Variants in BICDL1 observed in about 807,000 individuals in gnomAD.
The protein encoded by BICDL1 is BICD family like cargo adaptor 1, also known as BICD family-like cargo adapter 1.
In BICDL1, 20 loss-of-function variants were observed where a neutral mutation model predicts 76.8. The ratio of observed to expected loss-of-function variants is 0.26; its 90% CI spans 0.18 to 0.38. BICDL1 has a LOEUF of 0.38. Ranked by LOEUF, BICDL1 falls within the 10% of genes least tolerant of loss-of-function variation. The pLI, the probability that BICDL1 is intolerant of heterozygous loss-of-function variation, is 1.00. For missense variants in BICDL1, 700 were observed against 798.6 expected (o/e 0.88, Z 1.49); for synonymous variants, 383 against 337.1 (o/e 1.14, Z -1.49).
chr12:120,092,885 C>G, intron 9 of BICDL1, 115 bp from the exon 10 acceptor site: 3 of 1,460,866 alleles, frequency 2.1e-6, no homozygotes, highest in Non-Finnish European at 1.8e-6. Context: ...GCTGCAGCCT[C>G]TCACTCATCA....
In BICDL1 at chr12:120,064,101, T is replaced by TC. The variant is rs532875813; in HGVS notation, c.763-632_763-631insC. Among the ~76,000 whole-genome samples the TC allele has an allele frequency of 3.3e-4, 50 of 152,284 alleles. 1 individual carries two copies. The South Asian group carries it at 0.01, about 31-fold the overall frequency. On this transcript the variant is annotated intron_variant, in intron 3 of 9. Coordinates refer to ENST00000548673, the MANE Select transcript of BICDL1 (RefSeq NM_001367886.1). Reference sequence around the variant, plus strand: ...TCGCTCAGGTAAAAGTTACTCTGAGTAAAGTCAGCATTCACTTGTATCTGT... The same window carrying TC: ...TCGCTCAGGTAAAAGTTACTCTGAGTCAAAGTCAGCATTCACTTGTATCTGT...
chr12:120,083,256 T>C (rs904227922), intron 8 of BICDL1, among the ~76,000 whole-genome samples: 1 of 152,080 alleles, frequency 6.6e-6, no homozygotes, highest in African/African-American at 2.4e-5. Flanking sequence ...TGAATTACTT[T>C]TTATGTATTT....
chr12:119,997,163 G>T (rs1252869791), intron 1 of BICDL1, among the ~76,000 whole-genome samples: 1 of 152,062 alleles, frequency 6.6e-6, no homozygotes, highest in East Asian at 1.9e-4. Flanking sequence ...AACCAGGATG[G>T]TCTCGATCTC....
intron 1 of BICDL1, among the ~76,000 whole-genome samples, chr12:119,991,748 T>C (rs2138573948): frequency 6.6e-6 from 1 of 152,342 alleles, no homozygotes; most frequent in African/African-American, 2.4e-5. Context: ...AGGAGCACCG[T>C]ATCAGTTTGA....
At chr12:120,012,173 TAGAG>T (rs907576697) in intron 2 of BICDL1, among the ~76,000 whole-genome samples, 16 of 152,246 alleles carry the variant, frequency 1.1e-4, no homozygotes, top group African/African-American at 2.4e-4. Context: ...TAATGAGAAA[TAGAG>T]AGAGGTTGAG....
Position 120,071,024 on chromosome 12 carries a change from C to T in BICDL1, c.910-598C>T, listed in dbSNP as rs778905935. ...GTGTTACAGGCGTGAGCCACCACGC[C>T]CGGCCTGGTTGGTATAACTCAAGTC... is the stretch of plus-strand genomic sequence containing the variant. On this transcript the variant is annotated intron_variant, in intron 4 of 9. Transcript: ENST00000548673. This position sits in a 1 kb window ranked among gnomAD's most constrained non-coding sequence, Gnocchi z 4.8. 2.0e-5 allele frequency among the ~76,000 whole-genome samples: 3 copies of T among 152,146 alleles called. No individual in the cohort carries two copies. The highest frequency in any genetic ancestry group is 7.2e-5 in the African/African-American group (3 of 41,430).
intron 2 of BICDL1, among the ~76,000 whole-genome samples, chr12:120,058,125 G>T (rs537762002): frequency 1.3e-5 from 2 of 152,062 alleles, no homozygotes; most frequent in African/African-American, 4.8e-5. Context: ...GAGCCACCGC[G>T]CCTGGCCGAT....
chr12:120,001,235 A>G (rs1951752743), intron 2 of BICDL1, among the ~76,000 whole-genome samples: 1 of 152,006 alleles, frequency 6.6e-6, no homozygotes, highest in Non-Finnish European at 1.5e-5. Context: ...ATAGAAGGCC[A>G]TACTTTTCTT....
chr12:120,036,729 A>G (rs959024077), intron 2 of BICDL1, among the ~76,000 whole-genome samples: 7 of 152,160 alleles, frequency 4.6e-5, no homozygotes, highest in African/African-American at 1.7e-4. Flanking sequence ...TACAAAAATT[A>G]GCCGGGCGTG....
chr12:120,045,710 A>G (rs1288025537), intron 2 of BICDL1, among the ~76,000 whole-genome samples: 1 of 145,510 alleles, frequency 6.9e-6, no homozygotes, highest in Non-Finnish European at 1.5e-5. Flanking sequence ...ATAGGTGGGA[A>G]TTGAACAATG....
intron 4 of BICDL1, among the ~76,000 whole-genome samples, chr12:120,065,898 G>A (rs1040208095): frequency 3.9e-5 from 6 of 152,178 alleles, no homozygotes; most frequent in African/African-American, 1.4e-4. Context: ...TAACCGCTTT[G>A]AGGGAAAATG....
chr12:120,038,570 G>C (rs1016820836), intron 2 of BICDL1, among the ~76,000 whole-genome samples: 1 of 151,744 alleles, frequency 6.6e-6, no homozygotes, highest in Non-Finnish European at 1.5e-5. Flanking sequence ...TTTTTTCATT[G>C]TTGGTTTTCT....
intron 1 of BICDL1, among the ~76,000 whole-genome samples, chr12:119,993,721 C>T (rs1257241143): frequency 6.6e-6 from 1 of 151,660 alleles, no homozygotes; most frequent in Non-Finnish European, 1.5e-5. Flanking sequence ...TGGATTCAAG[C>T]GATTCTCCTG....
chr12:120,003,301 T>C (rs1442770940), intron 2 of BICDL1, among the ~76,000 whole-genome samples: 1 of 152,230 alleles, frequency 6.6e-6, no homozygotes, highest in Non-Finnish European at 1.5e-5. Context: ...CTGTAAACTC[T>C]ATGAGAGCAG....
At position 120,067,739 on chromosome 12, in the gene BICDL1, C is replaced by A. The variant is rs1370591073; in HGVS notation, c.909+2860C>A. Among the ~76,000 whole-genome samples the A allele has an allele frequency of 2.6e-5, 4 of 152,242 alleles. 1 individual carries two copies. Among genetic ancestry groups the A allele is most frequent in the African/African-American group, 9.6e-5 (4 of 41,462 alleles). On this transcript the variant is annotated intron_variant, in intron 4 of 9. Transcript: ENST00000548673. ...CTTGTACTTGTCTGTGCCAAACTTC[C>A]TCCTGCTGAGATGTGTGTGGAGTTG...
chr12:120,044,444 G>C (rs1377502309), intron 2 of BICDL1, among the ~76,000 whole-genome samples: 2 of 152,276 alleles, frequency 1.3e-5, no homozygotes, highest in South Asian at 2.1e-4. Flanking sequence ...GGGCTCCTTA[G>C]GGTACACCCC....
intron 3 of BICDL1, among the ~76,000 whole-genome samples, chr12:120,063,456 T>C (rs1953150816): frequency 6.6e-6 from 1 of 152,182 alleles, no homozygotes; most frequent in African/African-American, 2.4e-5. Context: ...AGAGAAGATC[T>C]GTGCCCTGTG....
chr12:120,035,088 C>A (rs1174983395), intron 2 of BICDL1, among the ~76,000 whole-genome samples: 1 of 152,176 alleles, frequency 6.6e-6, no homozygotes, highest in Non-Finnish European at 1.5e-5. Flanking sequence ...CTAATCCCAG[C>A]ACTTTGGGAG....
chr12:120,030,285 T>A lies in BICDL1; in HGVS notation c.646-31425T>A, dbSNP rs976961904. 5.3e-5 allele frequency among the ~76,000 whole-genome samples: 8 copies of A among 152,332 alleles called. No individual in the cohort carries two copies. The East Asian group carries it at 1.5e-3, about 29-fold the overall frequency. ...AATAGCTATATAACAAGTGGATTGA[T>A]CTGGAAATGAGGCGAGATGTAGATT... On this transcript the variant is annotated intron_variant, in intron 2 of 9. Transcript: ENST00000548673.
Sources: gnomAD v4.1 joint callset for allele counts (sites outside exome capture counted in the v4.1 genomes callset) on GRCh38, gnomAD v4.1.1 for gene constraint, Gnocchi (gnomAD v3.1) non-coding constraint, MANE v1.5 for transcripts, NCBI Gene and HGNC (gene_info 2026-07-23, HGNC 2026-07-21) for gene names.